The following KCND3 variants were observed in gnomAD, a reference collection of about 807,000 sequenced individuals.
KCND3 encodes A-type voltage-gated potassium channel KCND3.
A neutral mutation model predicts 51.1 loss-of-function variants in KCND3; 9 were observed. The observed-to-expected ratio is 0.18, with a 90% confidence interval of 0.11 to 0.31. The LOEUF is 0.31. Among genes scored for constraint, KCND3 ranks in the 10% least tolerant of loss-of-function variants. The pLI, the probability that KCND3 is intolerant of heterozygous loss-of-function variation, is 1.00. For missense variants in KCND3, 526 were observed against 903.8 expected (o/e 0.58, Z 5.36); for synonymous variants, 349 against 368.0 (o/e 0.95, Z 0.59).
In KCND3 at chr1:111,786,414, A is replaced by C. The variant is rs372391216; in HGVS notation, c.1269+530T>G. On this transcript the variant is annotated intron_variant, in intron 3 of 7. Coordinates refer to ENST00000302127, the MANE Select transcript of KCND3 (RefSeq NM_001378969.1). ...CTGATGGTTAGTCTCCTGATCACCA[A>C]CTGCAGTTGACTTCAGTGCCTTTGC... 5.6e-4 allele frequency among the ~76,000 whole-genome samples: 86 copies of C among 152,368 alleles called. No homozygotes were observed. In the South Asian group the frequency reaches 0.011, roughly 20 times the overall value.
chr1:111,974,565 A>G (rs1321489488), intron 2 of KCND3, among the ~76,000 whole-genome samples: 1 of 152,144 alleles, frequency 6.6e-6, no homozygotes, highest in Non-Finnish European at 1.5e-5. Flanking sequence ...CCCAGCTACA[A>G]TGGAGCATGG....
Position 111,830,521 on chromosome 1 carries a change from C to G in KCND3, c.1107-43415G>C, listed in dbSNP as rs142629774. On this transcript the variant is annotated intron_variant, in intron 2 of 7. Coordinates refer to ENST00000302127, the MANE Select transcript of KCND3 (RefSeq NM_001378969.1). ...TGAGTGCAAAATTTAAGGAGGCCCT[C>G]ACTCTCAGGGACAACCCTACCCTTG... Among the ~76,000 whole-genome samples the G allele has an allele frequency of 7.2e-5, 11 of 152,320 alleles. No individual in the cohort carries two copies. In the East Asian group the frequency reaches 2.1e-3, roughly 29 times the overall value.
intron 2 of KCND3, among the ~76,000 whole-genome samples, chr1:111,793,757 A>C (rs1470436124): frequency 6.6e-6 from 1 of 152,080 alleles, no homozygotes; most frequent in Non-Finnish European, 1.5e-5. Context: ...TCCTAATGGC[A>C]TTTATGGCCT....
chr1:111,913,076 C>T (rs754180285), intron 2 of KCND3, among the ~76,000 whole-genome samples: 34 of 152,304 alleles, frequency 2.2e-4, no homozygotes, highest in Non-Finnish European at 4.3e-4. Context: ...AGCATCATAC[C>T]TGATAAGTGC....
intron 2 of KCND3, among the ~76,000 whole-genome samples, chr1:111,841,277 C>A (rs1241996022): frequency 6.6e-6 from 1 of 152,228 alleles, no homozygotes; most frequent in African/African-American, 2.4e-5. Context: ...GACAAGCATG[C>A]ACCTTTCAGG....
chr1:111,895,701 C>T (rs946688873), intron 2 of KCND3, among the ~76,000 whole-genome samples: 7 of 152,186 alleles, frequency 4.6e-5, no homozygotes, highest in African/African-American at 1.4e-4. Flanking sequence ...TGCGCTAGCG[C>T]GCCTGCCGTG....
intron 2 of KCND3, among the ~76,000 whole-genome samples, chr1:111,899,964 T>C (rs1277870815): frequency 6.6e-6 from 1 of 152,126 alleles, no homozygotes; most frequent in African/African-American, 2.4e-5. Context: ...CAGGGAATGA[T>C]CACGGGCACT....
At chr1:111,784,952 C>G (rs535790618) in intron 3 of KCND3, among the ~76,000 whole-genome samples, 1 of 152,052 alleles carries the variant, frequency 6.6e-6, no homozygotes, top group Non-Finnish European at 1.5e-5. Context: ...GCTGGGAGCA[C>G]GCCTGTAATC....
At chr1:111,907,553 C>T (rs991125067) in intron 2 of KCND3, among the ~76,000 whole-genome samples, 6 of 152,202 alleles carry the variant, frequency 3.9e-5, no homozygotes, top group African/African-American at 1.4e-4. Context: ...ATCCTGACTA[C>T]AATCACGTGA....
intron 1 of KCND3, among the ~76,000 whole-genome samples, chr1:111,986,059 C>G (rs1675262456): frequency 6.6e-6 from 1 of 152,162 alleles, no homozygotes; most frequent in Non-Finnish European, 1.5e-5. Flanking sequence ...TCTAACTATA[C>G]TTTGTTTAGG....
At chr1:111,854,623 C>T (rs1207661011) in intron 2 of KCND3, among the ~76,000 whole-genome samples, 1 of 152,214 alleles carries the variant, frequency 6.6e-6, no homozygotes, top group Non-Finnish European at 1.5e-5. Flanking sequence ...TGAGGAGTGG[C>T]TGTGAAAGGG....
At chr1:111,875,737 AT>A (rs1669022310) in intron 2 of KCND3, among the ~76,000 whole-genome samples, 1 of 152,184 alleles carries the variant, frequency 6.6e-6, no homozygotes, top group South Asian at 2.1e-4. Flanking sequence ...TTTTGTCTTC[AT>A]TTCCCTGGAC....
intron 2 of KCND3, among the ~76,000 whole-genome samples, chr1:111,897,496 C>T (rs1005750069): frequency 6.6e-6 from 1 of 152,200 alleles, no homozygotes; most frequent in Admixed American, 6.5e-5. Flanking sequence ...CTCATCTGTG[C>T]GTGCTGGACA....
At chr1:111,835,759 A>C (rs1667038770) in intron 2 of KCND3, among the ~76,000 whole-genome samples, 1 of 152,212 alleles carries the variant, frequency 6.6e-6, no homozygotes, top group South Asian at 2.1e-4. Context: ...TGAATAATCC[A>C]CCACTTGTTT....
intron 2 of KCND3, among the ~76,000 whole-genome samples, chr1:111,802,778 A>G (rs1296808027): frequency 1.3e-5 from 2 of 152,218 alleles, no homozygotes; most frequent in African/African-American, 2.4e-5. Flanking sequence ...AATCCTGCTC[A>G]GGGCCTAGGG....
At chr1:111,796,306 CATAAA>C (rs1665052643) in intron 2 of KCND3, among the ~76,000 whole-genome samples, 1 of 151,874 alleles carries the variant, frequency 6.6e-6, no homozygotes, top group Non-Finnish European at 1.5e-5. Context: ...TCTTCCATAT[CATAAA>C]GACACATGCA....
In KCND3 at chr1:111,772,365, C is replaced by T. The variant is rs950292422; in HGVS notation, c.*3712G>A. The T allele has an allele frequency of 6.6e-6, 1 of 152,162 alleles. No homozygotes were observed. Among genetic ancestry groups the T allele is most frequent in the African/African-American group, 2.4e-5 (1 of 41,422 alleles). The allele number at this position is 152,162 out of a possible 1,614,324, so 9.4% of individuals were successfully genotyped here. A position where few individuals can be genotyped will look rare whatever the true frequency, so the allele number is the denominator to read the frequency against. ...GTTTCTACCCAGAGAATGGTGGTTT[C>T]CAAAGTATGGTTTGTATTGGTACAG... On this transcript the variant is annotated 3_prime_UTR_variant, in exon 8 of 8. Coordinates refer to ENST00000302127, the MANE Select transcript of KCND3 (RefSeq NM_001378969.1).
chr1:111,820,754 A>T (rs1251977693), intron 2 of KCND3, among the ~76,000 whole-genome samples: 1 of 152,160 alleles, frequency 6.6e-6, no homozygotes, highest in African/African-American at 2.4e-5. Flanking sequence ...AGAGGAGGAG[A>T]TACTGAATGA....
chr1:111,913,222 G>A (rs1202782047), intron 2 of KCND3, among the ~76,000 whole-genome samples: 1 of 152,206 alleles, frequency 6.6e-6, no homozygotes, highest in Non-Finnish European at 1.5e-5. Flanking sequence ...GTACAGGTTT[G>A]TAGCCTAGAG....
Sources: allele counts gnomAD v4.1 joint callset (sites outside exome capture counted in the v4.1 genomes callset), GRCh38; gene constraint gnomAD v4.1.1; transcripts MANE v1.5; gene names NCBI Gene and HGNC (gene_info 2026-07-23, HGNC 2026-07-21).